The following CTNNA2 variants were observed in gnomAD, a reference collection of about 807,000 sequenced individuals.
The protein encoded by CTNNA2 is catenin alpha 2, also known as catenin alpha-2.
Under a neutral mutation model 101.0 loss-of-function variants are expected in CTNNA2, and 42 were observed. That is an observed-to-expected ratio of 0.42 (90% CI 0.32 to 0.54). CTNNA2 has a LOEUF of 0.54. Ranked by LOEUF, CTNNA2 falls within the 20% of genes least tolerant of loss-of-function variation. CTNNA2 has a pLI of 0.14. For synonymous variants in CTNNA2, 450 were observed against 456.4 expected (o/e 0.99, Z 0.18); for missense variants, 871 against 1,223.1 (o/e 0.71, Z 4.29).
At chr2:80,502,729 C>T (rs1486755902) in intron 9 of CTNNA2, among the ~76,000 whole-genome samples, 1 of 152,148 alleles carries the variant, frequency 6.6e-6, no homozygotes, top group African/African-American at 2.4e-5. Flanking sequence ...CATGTGTACC[C>T]TCGTGGTTTT....
At chr2:79,315,169 A>T (rs1305741520) in intron 3 of CTNNA2, among the ~76,000 whole-genome samples, 1 of 151,840 alleles carries the variant, frequency 6.6e-6, no homozygotes, top group Non-Finnish European at 1.5e-5. Context: ...TTTTTATTTG[A>T]TAAGTTGGCC....
chr2:79,822,948 A>G (rs926655524), intron 3 of CTNNA2, among the ~76,000 whole-genome samples: 1 of 152,188 alleles, frequency 6.6e-6, no homozygotes, highest in African/African-American at 2.4e-5. Flanking sequence ...CAGGTCTTCC[A>G]TCCCCTGAAC....
At chr2:79,686,687 G>A (rs1019848006) in intron 2 of CTNNA2, among the ~76,000 whole-genome samples, 1 of 152,070 alleles carries the variant, frequency 6.6e-6, no homozygotes, top group Non-Finnish European at 1.5e-5. Context: ...CATTAATCTG[G>A]AAGTGTATAT....
intron 9 of CTNNA2, among the ~76,000 whole-genome samples, chr2:80,504,952 G>A (rs781106119): frequency 2.0e-5 from 3 of 152,124 alleles, no homozygotes; most frequent in Admixed American, 6.5e-5. Flanking sequence ...TTATTGGGAC[G>A]ATGAACTGCA....
chr2:79,719,052 G>T (rs561154529), intron 2 of CTNNA2, among the ~76,000 whole-genome samples: 2 of 151,920 alleles, frequency 1.3e-5, no homozygotes, highest in South Asian at 2.1e-4. Context: ...CTTCCTCCTC[G>T]CTCTAGTCGT....
chr2:80,062,147 A>G (rs1030074776), intron 7 of CTNNA2, among the ~76,000 whole-genome samples: 2 of 152,236 alleles, frequency 1.3e-5, no homozygotes, highest in African/African-American at 4.8e-5. Context: ...ACAGTGATGA[A>G]TATTGTCTTC....
At chr2:80,474,621 T>A (rs1685574027) in intron 9 of CTNNA2, among the ~76,000 whole-genome samples, 2 of 152,308 alleles carry the variant, frequency 1.3e-5, no homozygotes, top group South Asian at 4.2e-4. Flanking sequence ...GCAAAGTCTT[T>A]TTATTATCTA....
chr2:79,602,149 G>T (rs889773377), intron 1 of CTNNA2, among the ~76,000 whole-genome samples: 1 of 152,314 alleles, frequency 6.6e-6, no homozygotes, highest in Admixed American at 6.5e-5. Context: ...CTAAGCCAGA[G>T]ACCATCTAGA....
At chr2:80,607,361 C>G in intron 16 of CTNNA2, among the ~76,000 whole-genome samples, 1 of 151,808 alleles carries the variant, frequency 6.6e-6, no homozygotes, top group Non-Finnish European at 1.5e-5. Context: ...CCTCGGTAGC[C>G]ATTGGCAATG....
rs116034308 is a variant in CTNNA2 at position 79,992,709 on chromosome 2, G to T, written c.1056+82912G>T. 7.2e-3 allele frequency among the ~76,000 whole-genome samples: 1,104 copies of T among 152,296 alleles called. 8 individuals are homozygous for T. Among genetic ancestry groups the T allele is most frequent in the African/African-American group, 0.025 (1,029 of 41,566 alleles). On this transcript the variant is annotated intron_variant, in intron 7 of 18. Coordinates refer to ENST00000402739, the MANE Select transcript of CTNNA2 (RefSeq NM_001282597.3). The stretch of plus-strand genomic sequence containing the variant: ...AATGTAATATTTTGCTTTATTTCAA[G>T]AAATGCTATGAGTATTGTTGTACTT...
chr2:80,215,371 C>T (rs928717764), intron 7 of CTNNA2, among the ~76,000 whole-genome samples: 4 of 152,144 alleles, frequency 2.6e-5, no homozygotes, highest in Non-Finnish European at 5.9e-5. Context: ...AGCTTTTCTG[C>T]TCTATCCCTA....
At chr2:80,376,882 A>T (rs1402580900) in intron 7 of CTNNA2, among the ~76,000 whole-genome samples, 1 of 152,150 alleles carries the variant, frequency 6.6e-6, no homozygotes, top group Non-Finnish European at 1.5e-5. Flanking sequence ...TGGCAGTTAC[A>T]GGTGCTCAGT....
At chr2:79,483,837 A>C (rs2104558382) in intron 4 of CTNNA2, among the ~76,000 whole-genome samples, 1 of 152,216 alleles carries the variant, frequency 6.6e-6, no homozygotes, top group Admixed American at 6.5e-5. Context: ...CTAATTCCAT[A>C]TTTTTGCAAT....
At chr2:79,969,326 C>G (rs1218914916) in intron 7 of CTNNA2, among the ~76,000 whole-genome samples, 1 of 152,150 alleles carries the variant, frequency 6.6e-6, no homozygotes, top group Non-Finnish European at 1.5e-5. Context: ...TCTTTTGGAG[C>G]CCCGTGCTCT....
chr2:80,603,955 A>G (rs1697776995), intron 15 of CTNNA2, 119 bp from the exon 16 acceptor site: 3 of 677,398 alleles, frequency 4.4e-6, no homozygotes, highest in Non-Finnish European at 4.8e-6. Context: ...TCAAAATTCG[A>G]CTAATGTGGC....
Position 79,578,631 on chromosome 2 carries a change from ATTTTCTCCCAGTTCAT to A in CTNNA2, c.-6+65427_-6+65442del, listed in dbSNP as rs534885352. Among the ~76,000 whole-genome samples, 447 of 151,838 alleles carry A rather than the reference ATTTTCTCCCAGTTCAT, an allele frequency of 2.9e-3. 2 individuals are homozygous for A. The highest frequency in any genetic ancestry group is 4.5e-3 in the Non-Finnish European group (306 of 67,932). On this transcript the variant is annotated intron_variant, in intron 1 of 18. Coordinates refer to ENST00000402739, the MANE Select transcript of CTNNA2 (RefSeq NM_001282597.3). The stretch of plus-strand genomic sequence containing the variant: ...GTTGTCTCAGTAGCATTTGAAGACT[ATTTTCTCCCAGTTCAT>A]TTGCCCTGCACTCTCTGCCTTACAT...
intron 18 of CTNNA2, among the ~76,000 whole-genome samples, chr2:80,634,591 A>T (rs1175443119): frequency 2.0e-5 from 3 of 151,954 alleles, no homozygotes; most frequent in South Asian, 4.2e-4. Context: ...TTGATAAGAT[A>T]AGTGATATTG....
intron 1 of CTNNA2, among the ~76,000 whole-genome samples, chr2:79,608,509 A>G (rs927811404): frequency 7.9e-5 from 12 of 152,092 alleles, no homozygotes; most frequent in African/African-American, 2.7e-4. Flanking sequence ...GCAAAATGCT[A>G]AACCAAGTGT....
intron 4 of CTNNA2, among the ~76,000 whole-genome samples, chr2:79,398,074 T>G (rs1350286851): frequency 1.3e-5 from 2 of 152,160 alleles, no homozygotes; most frequent in Admixed American, 1.3e-4. Flanking sequence ...AGTCTCAGTC[T>G]TTTATCCCAA....
Sources: gnomAD v4.1 joint callset for allele counts (sites outside exome capture counted in the v4.1 genomes callset) on GRCh38, gnomAD v4.1.1 for gene constraint, MANE v1.5 for transcripts, NCBI Gene and HGNC (gene_info 2026-07-23, HGNC 2026-07-21) for gene names.